CCDC136: variants seen among roughly 807,000 people sequenced by gnomAD.
The protein encoded by CCDC136 is coiled-coil domain-containing protein 136.
A neutral mutation model predicts 141.2 loss-of-function variants in CCDC136; 100 were observed. The ratio of observed to expected loss-of-function variants is 0.71; its 90% CI spans 0.60 to 0.84. CCDC136 has a LOEUF of 0.84. Ranked by LOEUF, CCDC136 falls within the 40% of genes least tolerant of loss-of-function variation. The pLI is 0.00. For synonymous variants in CCDC136, 474 were observed against 531.9 expected (o/e 0.89, Z 1.50); for missense variants, 1,206 against 1,379.4 (o/e 0.87, Z 1.99).
chr7:128,791,997 G>C lies in CCDC136; in HGVS notation c.-415G>C. ...ATCTGTAGGCCACCTCAGCCTTTCAGCCTCTTCTTCACTGGCTCCCGCCCT... is the reference window on the plus strand; with the variant it reads ...ATCTGTAGGCCACCTCAGCCTTTCACCCTCTTCTTCACTGGCTCCCGCCCT... On this transcript the variant is annotated 5_prime_UTR_variant, in exon 1 of 18. Transcript: ENST00000297788. This position sits in a 1 kb window ranked among gnomAD's most constrained non-coding sequence, Gnocchi z 7.1. The C allele has an allele frequency of 8.5e-7, 1 of 1,178,340 alleles. No individual in the cohort carries two copies. Among genetic ancestry groups the C allele is most frequent in the Non-Finnish European group, 1.1e-6 (1 of 951,436 alleles). The allele number at this position is 1,178,340 out of a possible 1,614,324, so 73.0% of individuals were successfully genotyped here. A position where few individuals can be genotyped will look rare whatever the true frequency, so the allele number is the denominator to read the frequency against.
At position 128,805,374 on chromosome 7, in the gene CCDC136, A is replaced by G; in HGVS notation, c.798A>G (p.Thr266=). The G allele has an allele frequency of 1.2e-6, 2 of 1,613,932 alleles. No homozygotes were observed. The highest frequency in any genetic ancestry group is 1.7e-6 in the Non-Finnish European group (2 of 1,179,880). Residue 266 remains threonine, a synonymous_variant, in exon 6 of 18, where the codon ACA becomes ACG. Transcript: ENST00000297788. The surrounding 1 kb of genome is among the most constrained non-coding windows in gnomAD (Gnocchi z 4.6). ...DLESERTQRA[T]ERWLQSQTLS... ...TGAATTGCAGGACACAGAGAGCAACAGAGAGATGGCTGCAGTCCCAAACAC... is the reference window on the plus strand; with the variant it reads ...TGAATTGCAGGACACAGAGAGCAACGGAGAGATGGCTGCAGTCCCAAACAC...
At chr7:128,816,408 CTCT>C (rs1806642646) in intron 16 of CCDC136, among the ~76,000 whole-genome samples, 1 of 152,192 alleles carries the variant, frequency 6.6e-6, no homozygotes, top group African/African-American at 2.4e-5. Context: ...AGGGGATAAT[CTCT>C]TCTTTGTAGG....
At position 128,811,932 on chromosome 7, in the gene CCDC136, C is replaced by T. The variant is rs778031062; in HGVS notation, c.2161C>T (p.Gln721Ter). Residue 721 changes from glutamine to a stop codon, truncating the protein, a stop_gained, in exon 13 of 18, where the codon CAG becomes TAG. Coordinates refer to ENST00000297788, the MANE Select transcript of CCDC136 (RefSeq NM_022742.5). LOFTEE classifies it high-confidence loss of function. Reference protein sequence around the residue: ...EERKRLQADLQLCLEEMQLLQ... With the variant: ...EERKRLQADL ...GCGGAAGAGGCTGCAGGCAGACTTG[C>T]AGCTCTGCCTGGAAGAAATGCAGCT... The T allele has an allele frequency of 1.1e-5, 18 of 1,613,832 alleles. No individual in the cohort carries two copies. The highest frequency in any genetic ancestry group is 8.3e-5 in the Admixed American group (5 of 60,008).
At chr7:128,803,931 C>G (rs1369265454) in intron 4 of CCDC136, among the ~76,000 whole-genome samples, 1 of 151,362 alleles carries the variant, frequency 6.6e-6, no homozygotes, top group African/African-American at 2.4e-5. Context: ...TCTCCTACTT[C>G]AACCTCCTGA....
chr7:128,817,552 A>G lies in CCDC136; in HGVS notation c.3364-206A>G, dbSNP rs991194037. ...GCTGCTTAACCCATTCAATTTTGCA[A>G]TTCCTGCAGACTGCCGGTGGAAAGA... On this transcript the variant is annotated intron_variant, in intron 16 of 17. Transcript: ENST00000297788. The surrounding 1 kb of genome is among the most constrained non-coding windows in gnomAD (Gnocchi z 4.6). 6.6e-6 allele frequency among the ~76,000 whole-genome samples: 1 copy of G among 152,130 alleles called. No homozygotes were observed. Among genetic ancestry groups the G allele is most frequent in the Non-Finnish European group, 1.5e-5 (1 of 68,026 alleles).
chr7:128,790,801 CCT>C (rs1482504910), upstream of CCDC136: 3 of 152,166 alleles, frequency 2.0e-5, no homozygotes, highest in African/African-American at 4.8e-5. The surrounding 1 kb of genome is among the most constrained non-coding windows in gnomAD (Gnocchi z 5.4). Flanking sequence ...CCGGAGGGCT[CCT>C]CCTAAGAGGG....
chr7:128,792,628 C>T (rs759020679), intron 1 of CCDC136, among the ~76,000 whole-genome samples: 7 of 151,874 alleles, frequency 4.6e-5, no homozygotes, highest in Non-Finnish European at 8.8e-5. Context: ...CCCTTCGGGA[C>T]CCCAATCACC....
chr7:128,814,318 T>G (rs1041649092), intron 14 of CCDC136, among the ~76,000 whole-genome samples: 1 of 152,078 alleles, frequency 6.6e-6, no homozygotes, highest in Non-Finnish European at 1.5e-5. Flanking sequence ...ACTCCTGACC[T>G]CAAGTGATCT....
chr7:128,792,172 A>C lies in CCDC136; in HGVS notation c.-240A>C. On this transcript the variant is annotated 5_prime_UTR_variant, in exon 1 of 18. Transcript: ENST00000297788. Reference sequence around the variant, plus strand: ...GAGGTGGCCGAGAGAGAGGAGTCGCAGAGCCGCCAGAGTGAGTCAGGCACC... The same window carrying C: ...GAGGTGGCCGAGAGAGAGGAGTCGCCGAGCCGCCAGAGTGAGTCAGGCACC... 1 of 1,442,292 alleles carries C rather than the reference A, an allele frequency of 6.9e-7. No individual in the cohort carries two copies. The highest frequency in any genetic ancestry group is 1.5e-5 in the South Asian group (1 of 68,548). 89.3% of individuals were successfully genotyped at this position (1,442,292 alleles called of 1,614,324 possible). A position where few individuals can be genotyped will look rare whatever the true frequency, so the allele number is the denominator to read the frequency against.
At chr7:128,791,938 C>T (rs753857547), upstream of CCDC136, 29 of 807,020 alleles carry the variant, frequency 3.6e-5, no homozygotes, top group Non-Finnish European at 4.7e-5. This position sits in a 1 kb window ranked among gnomAD's most constrained non-coding sequence, Gnocchi z 7.1. Context: ...CAGCCCTACC[C>T]CTTCCCGCAC....
chr7:128,802,997 T>G (rs1387007567), intron 4 of CCDC136, among the ~76,000 whole-genome samples: 1 of 152,240 alleles, frequency 6.6e-6, no homozygotes, highest in Non-Finnish European at 1.5e-5. Flanking sequence ...TCCTCCCTTA[T>G]ATGGTAATCT....
At chr7:128,798,466 G>T (rs1334221776) in intron 3 of CCDC136, among the ~76,000 whole-genome samples, 3 of 151,852 alleles carry the variant, frequency 2.0e-5, no homozygotes, top group Non-Finnish European at 4.4e-5. Context: ...TGGCCAGGCT[G>T]GTCTCCAACC....
chr7:128,815,364 C>G (rs1419864164), intron 15 of CCDC136, among the ~76,000 whole-genome samples: 1 of 152,146 alleles, frequency 6.6e-6, no homozygotes, highest in African/African-American at 2.4e-5. Flanking sequence ...GTGCAGAGCC[C>G]AAGACTCTTT....
intron 3 of CCDC136, among the ~76,000 whole-genome samples, chr7:128,800,550 C>T (rs1316353321): frequency 3.9e-5 from 6 of 152,142 alleles, no homozygotes; most frequent in African/African-American, 1.4e-4. Context: ...CTGCCTTGGC[C>T]TCCCAAAGTG....
rs1251300587 is a variant in CCDC136 at position 128,815,715 on chromosome 7, A to T, written c.3147A>T (p.Gln1049His). 8 of 1,556,606 alleles carry T rather than the reference A, an allele frequency of 5.1e-6. No homozygotes were observed. In the Admixed American group the frequency reaches 1.6e-4, roughly 30 times the overall value. ...AGGAGATGGAGGAGGAAAAAAAGCA[A>T]GTGAAAGAGGAAGCAAAGGAGCAGT... Reference protein sequence around the residue: ...KKEEMEEEKKQVKEEAKEQCG... With the variant: ...KKEEMEEEKKHVKEEAKEQCG... The change falls in exon 16 of 18, where the codon CAA becomes CAT. Residue 1049 changes from glutamine to histidine, a missense_variant. Gln to His is a conservative substitution (Grantham distance 24). Transcript: ENST00000297788.
At chr7:128,798,108 G>A (rs1278267591) in intron 3 of CCDC136, among the ~76,000 whole-genome samples, 4 of 150,028 alleles carry the variant, frequency 2.7e-5, no homozygotes, top group Admixed American at 2.7e-4. Flanking sequence ...TAGTAGAGGC[G>A]GGGTTTCACT....
intron 4 of CCDC136, 25 bp downstream of exon 4, chr7:128,801,534 G>C (rs759211368): frequency 1.3e-6 from 2 of 1,497,312 alleles, no homozygotes; most frequent in South Asian, 1.2e-5. Context: ...AAGTGGGTCA[G>C]TAAAGTCAAG....
chr7:128,814,261 T>G (rs573412909), intron 14 of CCDC136, among the ~76,000 whole-genome samples: 7 of 152,090 alleles, frequency 4.6e-5, no homozygotes, highest in African/African-American at 1.4e-4. Flanking sequence ...AATGTTTGTA[T>G]TTTTAGTAGA....
intron 13 of CCDC136, 100 bp downstream of exon 13, chr7:128,812,412 G>A (rs1805887848): frequency 7.7e-7 from 1 of 1,298,646 alleles, no homozygotes; most frequent in Non-Finnish European, 1.0e-6. Flanking sequence ...TGGGAATGGG[G>A]TCAGAACTGA....
Sources: allele counts gnomAD v4.1 joint callset (sites outside exome capture counted in the v4.1 genomes callset), GRCh38; gene constraint gnomAD v4.1.1; non-coding constraint Gnocchi (gnomAD v3.1); transcripts MANE v1.5; gene names NCBI Gene and HGNC (gene_info 2026-07-23, HGNC 2026-07-21).